PPP1R37: variants seen among roughly 807,000 people sequenced by gnomAD.
PPP1R37 encodes protein phosphatase 1 regulatory subunit 37, also known as leucine rich repeat containing 68.
PPP1R37 carries 21 observed loss-of-function variants against 61.0 expected under a neutral mutation model. That is an observed-to-expected ratio of 0.34 (90% CI 0.24 to 0.50). The LOEUF (loss-of-function observed/expected upper bound fraction) is 0.50. Ranked by LOEUF, PPP1R37 falls within the 20% of genes least tolerant of loss-of-function variation. The pLI is 0.98. For synonymous variants in PPP1R37, 443 were observed against 433.5 expected (o/e 1.02, Z -0.27); for missense variants, 910 against 952.7 (o/e 0.96, Z 0.59).
chr19:45,143,198 T>A (rs1968636885), intron 7 of PPP1R37: 1 of 259,948 alleles, frequency 3.8e-6, no homozygotes, highest in South Asian at 5.6e-5. Context: ...CTCCAGCCTG[T>A]CAGATGGTGG....
chr19:45,119,833 C>T (rs969698365), intron 1 of PPP1R37, among the ~76,000 whole-genome samples: 5 of 152,052 alleles, frequency 3.3e-5, no homozygotes, highest in Admixed American at 6.5e-5. Flanking sequence ...CCCAGCACCC[C>T]GCACAACCTT....
In PPP1R37 at chr19:45,142,358, G is replaced by A. The variant is rs1345449401; in HGVS notation, c.774G>A (p.Lys258=). The stretch of plus-strand genomic sequence containing the variant: ...GGGAGCTGTACCTGGCGGACAACAA[G>A]CTCAACGGCCTGCAGGACTCGGCCC... ...NLRELYLADN[K]LNGLQDSAQL... The change falls in exon 7 of 13, where the codon AAG becomes AAA. Residue 258 remains lysine (K), a synonymous_variant. Transcript: ENST00000221462. 7 of 1,536,096 alleles carry A rather than the reference G, an allele frequency of 4.6e-6. No individual in the cohort carries two copies. The highest frequency in any genetic ancestry group is 5.2e-6 in the Non-Finnish European group (6 of 1,146,920).
rs917074009 is a variant in PPP1R37 at position 45,130,889 on chromosome 19, C to A, written c.203-7625C>A. On this transcript the variant is annotated intron_variant, in intron 1 of 12. Coordinates refer to ENST00000221462, the MANE Select transcript of PPP1R37 (RefSeq NM_019121.2). The surrounding 1 kb of genome is among the most constrained non-coding windows in gnomAD (Gnocchi z 4.4). Reference sequence around the variant, plus strand: ...CAGGCTTGTCTGGACTTCCTCCCTCCCCATCCCTCCTCTGAGAGTTGACAC... The same window carrying A: ...CAGGCTTGTCTGGACTTCCTCCCTCACCATCCCTCCTCTGAGAGTTGACAC... Among the ~76,000 whole-genome samples, 1 of 152,124 alleles carries A rather than the reference C, an allele frequency of 6.6e-6. No homozygotes were observed.
chr19:45,143,380 G>A (rs1286526316), intron 7 of PPP1R37, 141 bp from the exon 8 acceptor site: 13 of 577,922 alleles, frequency 2.2e-5, no homozygotes, highest in Admixed American at 9.1e-5. Context: ...GTGCCAGGCC[G>A]AGGCAGGGCT....
chr19:45,133,945 G>A (rs1215053758), intron 1 of PPP1R37, among the ~76,000 whole-genome samples: 1 of 152,212 alleles, frequency 6.6e-6, no homozygotes, highest in Non-Finnish European at 1.5e-5. Context: ...GCCTCGGGTA[G>A]CATCTCTCAT....
At position 45,142,271 on chromosome 19, in the gene PPP1R37, G is replaced by A. The variant is rs573821392; in HGVS notation, c.719-32G>A. On this transcript the variant is annotated intron_variant, in intron 6 of 12. Transcript: ENST00000221462. ...GCAGCCTGTTGGGGGGCAGGGGCCTGCCCAGTCACCGTGCCCCCTCCCCGT... is the reference window on the plus strand; with the variant it reads ...GCAGCCTGTTGGGGGGCAGGGGCCTACCCAGTCACCGTGCCCCCTCCCCGT... The A allele has an allele frequency of 3.2e-4, 496 of 1,534,880 alleles. 3 individuals carry two copies. The African/African-American group carries it at 5.8e-3, about 18-fold the overall frequency.
At chr19:45,097,733 T>C (rs10409903) in intron 1 of PPP1R37, among the ~76,000 whole-genome samples, 21,481 of 151,814 alleles carry the variant, frequency 0.14, 1,697 homozygotes, top group Non-Finnish European at 0.17. Context: ...TCTTCTGTTG[T>C]GTGCTTGTTT....
chr19:45,113,475 G>A (rs1308775773), intron 1 of PPP1R37, among the ~76,000 whole-genome samples: 1 of 152,234 alleles, frequency 6.6e-6, no homozygotes, highest in Non-Finnish European at 1.5e-5. Flanking sequence ...GCTCCTCACA[G>A]CTAGTCAGTG....
At chr19:45,128,173 A>C (rs1306922581) in intron 1 of PPP1R37, among the ~76,000 whole-genome samples, 1 of 152,180 alleles carries the variant, frequency 6.6e-6, no homozygotes, top group African/African-American at 2.4e-5. Flanking sequence ...TGGCTTTGCC[A>C]GCTCACCTTC....
chr19:45,146,089 T>G, intron 11 of PPP1R37, 40 bp downstream of exon 11: 1 of 1,476,466 alleles, frequency 6.8e-7, no homozygotes, highest in Non-Finnish European at 9.0e-7. Flanking sequence ...GGGCCCTGGG[T>G]GCTGTATGTG....
intron 1 of PPP1R37, among the ~76,000 whole-genome samples, chr19:45,129,835 C>T (rs546138023): frequency 1.5e-4 from 23 of 152,364 alleles, no homozygotes; most frequent in African/African-American, 5.5e-4. Context: ...GGGCTTTACC[C>T]TTCCCTGCGG....
In PPP1R37 at chr19:45,146,587, G is replaced by A. The variant is rs537574902; in HGVS notation, c.*25G>A. 17 of 780,360 alleles carry A rather than the reference G, an allele frequency of 2.2e-5. No homozygotes were observed. The highest frequency in any genetic ancestry group is 2.3e-4 in the Middle Eastern group (1 of 4,290). 48.3% of individuals were successfully genotyped at this position (780,360 alleles called of 1,614,324 possible). The stretch of plus-strand genomic sequence containing the variant: ...CTCCCCAAGTTCCCTTTTTCCGGTC[G>A]GTCTGCGATGAGCTGAGGCCAGAGC... On this transcript the variant is annotated 3_prime_UTR_variant, in exon 13 of 13. Coordinates refer to ENST00000221462, the MANE Select transcript of PPP1R37 (RefSeq NM_019121.2).
chr19:45,100,846 AT>A lies in PPP1R37; in HGVS notation c.202+7322del, dbSNP rs1345077060. 7.9e-5 allele frequency among the ~76,000 whole-genome samples: 12 copies of A among 152,044 alleles called. No individual in the cohort carries two copies. In the East Asian group the frequency reaches 1.4e-3, roughly 17 times the overall value. On this transcript the variant is annotated intron_variant, in intron 1 of 12. Coordinates refer to ENST00000221462, the MANE Select transcript of PPP1R37 (RefSeq NM_019121.2). ...TCGTGGACAGCTTGAGTCCCTGGAG[AT>A]TTGTGCTGCTCCTCTGTCCTCAGCA... is the stretch of plus-strand genomic sequence containing the variant.
intron 1 of PPP1R37, among the ~76,000 whole-genome samples, chr19:45,133,418 T>C (rs532501969): frequency 6.6e-6 from 1 of 152,196 alleles, no homozygotes; most frequent in African/African-American, 2.4e-5. Context: ...TGCAAGACTC[T>C]ATATCTCAGG....
Position 45,142,043 on chromosome 19 carries a change from G to C in PPP1R37, c.568-18G>C. 2 of 1,496,376 alleles carry C rather than the reference G, an allele frequency of 1.3e-6. No individual in the cohort carries two copies. Among genetic ancestry groups the C allele is most frequent in the East Asian group, 4.9e-5 (2 of 40,408 alleles). The allele number at this position is 1,496,376 out of a possible 1,614,324, so 92.7% of individuals were successfully genotyped here. A position where few individuals can be genotyped will look rare whatever the true frequency, so the allele number is the denominator to read the frequency against. On this transcript the variant is annotated intron_variant, in intron 5 of 12. Transcript: ENST00000221462. The stretch of plus-strand genomic sequence containing the variant: ...AGGCCTGAGCCAGTGCCTCACCCCT[G>C]TCCTCTTGCCCCTGCAGACGAGCTG...
chr19:45,113,421 T>C (rs1028787006), intron 1 of PPP1R37, among the ~76,000 whole-genome samples: 2 of 152,084 alleles, frequency 1.3e-5, no homozygotes, highest in Non-Finnish European at 2.9e-5. Flanking sequence ...TCCCACGAGG[T>C]AGGTGGAATT....
chr19:45,098,520 G>T lies in PPP1R37; in HGVS notation c.202+4993G>T, dbSNP rs569798741. On this transcript the variant is annotated intron_variant, in intron 1 of 12. Coordinates refer to ENST00000221462, the MANE Select transcript of PPP1R37 (RefSeq NM_019121.2). ...ACCATCAGTCCTCCAGTGTGTGTGC[G>T]TTGGGGGTTTGCCCACTAGGAAGCT... 1.2e-3 allele frequency among the ~76,000 whole-genome samples: 187 copies of T among 152,304 alleles called. 1 individual carries two copies. The highest frequency in any genetic ancestry group is 4.3e-3 in the African/African-American group (178 of 41,574).
intron 1 of PPP1R37, among the ~76,000 whole-genome samples, chr19:45,101,820 A>G (rs1968067441): frequency 1.3e-5 from 2 of 152,228 alleles, no homozygotes; most frequent in Admixed American, 1.3e-4. Flanking sequence ...AGGGGCCGTG[A>G]GCCAGGAGCC....
chr19:45,133,140 C>T (rs925538112), intron 1 of PPP1R37, among the ~76,000 whole-genome samples: 23 of 152,066 alleles, frequency 1.5e-4, no homozygotes, highest in Non-Finnish European at 2.6e-4. Context: ...TGCAGTGGTG[C>T]GATCTCAGCT....
Sources: allele counts gnomAD v4.1 joint callset (sites outside exome capture counted in the v4.1 genomes callset), GRCh38; gene constraint gnomAD v4.1.1; non-coding constraint Gnocchi (gnomAD v3.1); transcripts MANE v1.5; gene names NCBI Gene and HGNC (gene_info 2026-07-23, HGNC 2026-07-21).